LIG3: variants seen among roughly 807,000 people sequenced by gnomAD.
The protein encoded by LIG3 is DNA ligase 3, also known as ligase II, DNA, ATP-dependent.
A neutral mutation model predicts 110.9 loss-of-function variants in LIG3; 58 were observed. The observed-to-expected ratio is 0.52, with a 90% CI of 0.42 to 0.65. LIG3 has a LOEUF of 0.65. LIG3 is among the 30% of genes least tolerant of loss of function. The pLI, the probability that LIG3 is intolerant of heterozygous loss-of-function variation, is 0.00. For missense variants in LIG3, 1,094 were observed against 1,273.8 expected, an observed-to-expected ratio of 0.86 and a Z score of 2.15; for synonymous variants, 422 against 472.8, an observed-to-expected ratio of 0.89 and a Z score of 1.39.
intron 19 of LIG3, 92 bp downstream of exon 19, chr17:35,002,881 CA>C: frequency 1.3e-6 from 2 of 1,585,138 alleles, no homozygotes; most frequent in Non-Finnish European, 1.7e-6. Context: ...AGAGGATGAG[CA>C]AAGGTGTTTG....
chr17:34,999,733 C>A, intron 15 of LIG3, 49 bp from the exon 16 acceptor site: 2 of 1,483,874 alleles, frequency 1.3e-6, no homozygotes, highest in Non-Finnish European at 1.9e-6. Context: ...GGGATTTAAG[C>A]CTTGTTCCAG....
chr17:34,989,843 A>G (rs1462149203), intron 4 of LIG3, 180 bp downstream of exon 4: 4 of 604,722 alleles, frequency 6.6e-6, no homozygotes, highest in Non-Finnish European at 1.2e-5. Context: ...TGCATTTTGC[A>G]CTGTACTCCA....
At position 35,008,101 on chromosome 17, in the gene LIG3, T is replaced by C. The variant is rs1354800193; in HGVS notation, c.*3595T>C. The C allele has an allele frequency of 2.6e-5, 4 of 152,248 alleles. No homozygotes were observed. Among genetic ancestry groups the C allele is most frequent in the Admixed American group, 2.6e-4 (4 of 15,278 alleles). The allele number at this position is 152,248 out of a possible 1,614,324, so 9.4% of individuals were successfully genotyped here. ...CTACAGCTGTATCCAAAAGGTACCA[T>C]GTATCTCCCAGGGTAACCTGAAGAC... is the stretch of plus-strand genomic sequence containing the variant. On this transcript the variant is annotated 3_prime_UTR_variant, in exon 20 of 20. Coordinates refer to ENST00000378526, the MANE Select transcript of LIG3 (RefSeq NM_013975.4).
intron 18 of LIG3, 104 bp downstream of exon 18, chr17:35,002,208 T>G: frequency 9.9e-7 from 1 of 1,012,600 alleles, no homozygotes; most frequent in Non-Finnish European, 1.4e-6. Flanking sequence ...ATCTCATGAT[T>G]ATCTGTGTCC....
rs776548304 is a variant in LIG3 at position 34,994,348 on chromosome 17, G to A, written c.1528G>A (p.Asp510Asn). ...PNGMFSEIKY[D>N]GERVQVHKNG... Reference sequence around the variant, plus strand: ...TGGCATGTTCTCTGAGATCAAGTACGATGGAGAGCGAGTCCAGGTGCATAA... The same window carrying A: ...TGGCATGTTCTCTGAGATCAAGTACAATGGAGAGCGAGTCCAGGTGCATAA... The change falls in exon 9 of 20, where the codon GAT becomes AAT. Residue 510 changes from aspartate to asparagine, a missense_variant. By Grantham distance (23) the Asp-to-Asn change is conservative. Transcript: ENST00000378526. 6 of 1,614,040 alleles carry A rather than the reference G, an allele frequency of 3.7e-6. No individual in the cohort carries two copies. Among genetic ancestry groups the A allele is most frequent in the South Asian group, 2.2e-5 (2 of 91,090 alleles).
At chr17:35,009,760 CTG>C (rs903869504), downstream of LIG3, 1 of 152,468 alleles carries the variant, frequency 6.6e-6, no homozygotes, top group African/African-American at 2.4e-5. Flanking sequence ...AGGAGGGAAA[CTG>C]AAGAGGAGGT....
chr17:35,003,131 A>C (rs4796030), intron 19 of LIG3: 910,029 of 1,588,152 alleles, frequency 0.57, 265,488 homozygotes, highest in African/African-American at 0.86. Context: ...AAGGGAAAAG[A>C]CCAGTCTGGG....
intron 19 of LIG3, 77 bp downstream of exon 19, chr17:35,002,866 T>G: frequency 1.3e-6 from 2 of 1,576,374 alleles, no homozygotes; most frequent in Non-Finnish European, 1.7e-6. Context: ...TACAAGAAGT[T>G]TGAAAGAGGA....
chr17:34,997,774 C>T lies in LIG3; in HGVS notation c.1860C>T (p.Asn620=), dbSNP rs1263339845. 6.2e-7 allele frequency: 1 copy of T among 1,614,164 alleles called. No homozygotes were observed. Among genetic ancestry groups the T allele is most frequent in the Admixed American group, 1.7e-5 (1 of 60,028 alleles). Residue 620 remains asparagine, a synonymous_variant, in exon 12 of 20, where the codon AAC becomes AAT. Coordinates refer to ENST00000378526, the MANE Select transcript of LIG3 (RefSeq NM_013975.4). ...AGCGGCGGAAGTTTCTTCATGACAA[C>T]ATGGTTGAAATTCCAAACCGGATCA... ...LCERRKFLHD[N]MVEIPNRIMF... is the part of the protein sequence containing the mutation.
At chr17:34,982,603 C>T (rs932619018) in intron 1 of LIG3, among the ~76,000 whole-genome samples, 11 of 150,442 alleles carry the variant, frequency 7.3e-5, no homozygotes, top group Non-Finnish European at 1.2e-4. Flanking sequence ...GCCAAGATCG[C>T]GCCAATGTAC....
chr17:34,989,650 A>G lies in LIG3; in HGVS notation c.876A>G (p.Lys292=). The G allele has an allele frequency of 6.2e-7, 1 of 1,614,176 alleles. No individual in the cohort carries two copies. The highest frequency in any genetic ancestry group is 8.5e-7 in the Non-Finnish European group (1 of 1,180,038). The part of the protein sequence containing the change: ...KTQIIQDFLR[K]GSAGDGFHGD... Reference sequence around the variant, plus strand: ...AGATCATCCAGGACTTCCTTCGGAAAGGCTCAGCAGGAGGTGTGGCATGAG... The same window carrying G: ...AGATCATCCAGGACTTCCTTCGGAAGGGCTCAGCAGGAGGTGTGGCATGAG... The change falls in exon 4 of 20, where the codon AAA becomes AAG. Residue 292 remains lysine, a synonymous_variant. Coordinates refer to ENST00000378526, the MANE Select transcript of LIG3 (RefSeq NM_013975.4).
chr17:34,992,148 C>T, intron 7 of LIG3, 113 bp downstream of exon 7: 1 of 907,396 alleles, frequency 1.1e-6, no homozygotes, highest in South Asian at 1.4e-5. Context: ...CTTCCACCTT[C>T]TTACTTTCTG....
chr17:34,988,218 T>A (rs1352982618), intron 3 of LIG3, among the ~76,000 whole-genome samples: 1 of 144,460 alleles, frequency 6.9e-6, no homozygotes, highest in Non-Finnish European at 1.5e-5. Context: ...AAAAAAAAAT[T>A]CTGAGGTTGG....
Position 34,980,611 on chromosome 17 carries a change from C to T in LIG3, c.-16C>T, listed in dbSNP as rs1339944197. The T allele has an allele frequency of 7.8e-6, 10 of 1,284,294 alleles. No homozygotes were observed. Among genetic ancestry groups the T allele is most frequent in the Non-Finnish European group, 1.0e-5 (10 of 986,248 alleles). The allele number at this position is 1,284,294 out of a possible 1,614,324, so 79.6% of individuals were successfully genotyped here. Reference sequence around the variant, plus strand: ...CCGAGGCCTACGGTGAGCGCCGGAGCCGGAGAGGCAGGTGAGGGGCTACGC... The same window carrying T: ...CCGAGGCCTACGGTGAGCGCCGGAGTCGGAGAGGCAGGTGAGGGGCTACGC... On this transcript the variant is annotated 5_prime_UTR_variant, in exon 1 of 20. Coordinates refer to ENST00000378526, the MANE Select transcript of LIG3 (RefSeq NM_013975.4).
Position 35,005,613 on chromosome 17 carries a change from T to A in LIG3, c.*1107T>A. 1 of 577,916 alleles carries A rather than the reference T, an allele frequency of 1.7e-6. No homozygotes were observed. Among genetic ancestry groups the A allele is most frequent in the Non-Finnish European group, 3.5e-6 (1 of 287,536 alleles). 35.8% of individuals were successfully genotyped at this position (577,916 alleles called of 1,614,324 possible). ...GTTTCATAATGCTGGACCAGTCGAA[T>A]GCACCAAATATCCCAAAACTCAATC... On this transcript the variant is annotated 3_prime_UTR_variant, in exon 20 of 20. Coordinates refer to ENST00000378526, the MANE Select transcript of LIG3 (RefSeq NM_013975.4).
At chr17:34,990,472 GT>G (rs1319910341) in intron 4 of LIG3, among the ~76,000 whole-genome samples, 2 of 152,184 alleles carry the variant, frequency 1.3e-5, no homozygotes, top group Non-Finnish European at 2.9e-5. Flanking sequence ...TAGAGACGGG[GT>G]TTTGCTGTTT....
chr17:34,999,665 C>A, intron 15 of LIG3, 117 bp from the exon 16 acceptor site: 2 of 1,117,214 alleles, frequency 1.8e-6, no homozygotes, highest in South Asian at 1.4e-5. Context: ...CTGGGAGGAT[C>A]ACATGGCTCA....
At chr17:34,999,570 A>T (rs774070108) in intron 15 of LIG3, 121 bp downstream of exon 15, 19 of 1,325,802 alleles carry the variant, frequency 1.4e-5, no homozygotes, top group Non-Finnish European at 1.9e-5. Context: ...CAGCTTGCTC[A>T]GGGGAGCAGG....
intron 4 of LIG3, among the ~76,000 whole-genome samples, chr17:34,990,221 A>G (rs968109543): frequency 2.6e-5 from 4 of 152,210 alleles, no homozygotes; most frequent in Non-Finnish European, 5.9e-5. Context: ...ACAGGGTACT[A>G]TAGGAGCATG....
Sources: gnomAD v4.1 joint callset for allele counts (sites outside exome capture counted in the v4.1 genomes callset) on GRCh38, gnomAD v4.1.1 for gene constraint, MANE v1.5 for transcripts, NCBI Gene and HGNC (gene_info 2026-07-23, HGNC 2026-07-21) for gene names.